The following HAS3 variants were observed in gnomAD, a reference collection of about 807,000 sequenced individuals.
The protein encoded by HAS3 is hyaluronan synthase 3, also known as HA synthase 3.
HAS3 carries 27 observed loss-of-function variants against 50.3 expected under a neutral mutation model. The observed-to-expected ratio is 0.54, with a 90% CI of 0.40 to 0.74. The LOEUF is 0.74. Among genes scored for constraint, HAS3 ranks in the 30% least tolerant of loss-of-function variants. The probability of loss-of-function intolerance (pLI) is 0.00; values close to 1 mark genes in which losing one functional copy is unlikely to be tolerated. For missense variants in HAS3, 517 were observed against 742.8 expected (o/e 0.70, Z 3.53); for synonymous variants, 339 against 310.9 (o/e 1.09, Z -0.95).
chr16:69,084,146 G>A, the HAS3 span: 4 of 152,720 alleles, frequency 2.6e-5, no homozygotes, highest in African/African-American at 9.6e-5. Context: ...AGATGCAGTT[G>A]GAGGTGGGGA....
downstream of HAS3, chr16:69,118,374 C>T: frequency 1.2e-6 from 2 of 1,609,080 alleles, no homozygotes; most frequent in Non-Finnish European, 1.7e-6. Context: ...AAAGGTATGG[C>T]AGTAGAGGAT....
chr16:69,107,385 G>T lies in HAS3; in HGVS notation c.-1+1598G>T, dbSNP rs1226791379. 4.1e-6 allele frequency: 4 copies of T among 985,278 alleles called. No homozygotes were observed. The highest frequency in any genetic ancestry group is 4.8e-6 in the Non-Finnish European group (4 of 829,880). 61.0% of individuals were successfully genotyped at this position (985,278 alleles called of 1,614,324 possible). A position where few individuals can be genotyped will look rare whatever the true frequency, so the allele number is the denominator to read the frequency against. On this transcript the variant is annotated intron_variant, in intron 1 of 3. Coordinates refer to ENST00000569188, the MANE Select transcript of HAS3 (RefSeq NM_001199280.2). This position sits in a 1 kb window ranked among gnomAD's most constrained non-coding sequence, Gnocchi z 5.5. ...TTGTCTACAGGCACACTTTGCCAAGGTAGCTGGGGTACCAGGAAGAGCAGG... is the reference window on the plus strand; with the variant it reads ...TTGTCTACAGGCACACTTTGCCAAGTTAGCTGGGGTACCAGGAAGAGCAGG...
At chr16:69,104,226 G>A (rs1242677244), upstream of HAS3, among the ~76,000 whole-genome samples, 3 of 150,844 alleles carry the variant, frequency 2.0e-5, no homozygotes, top group African/African-American at 7.3e-5. Flanking sequence ...TAGTAGCTGG[G>A]ACTACAGGCA....
upstream of HAS3, among the ~76,000 whole-genome samples, chr16:69,103,310 A>G (rs900545460): frequency 6.6e-6 from 1 of 152,032 alleles, no homozygotes; most frequent in East Asian, 1.9e-4. Context: ...ATCTGCAGCA[A>G]CTCCAGGGGT....
the HAS3 span, among the ~76,000 whole-genome samples, chr16:69,088,732 C>T: frequency 6.6e-6 from 1 of 151,880 alleles, no homozygotes; most frequent in Non-Finnish European, 1.5e-5. Context: ...TTAATGAGCA[C>T]TAAAATAATG....
chr16:69,088,571 A>G, the HAS3 span, among the ~76,000 whole-genome samples: 690 of 151,868 alleles, frequency 4.5e-3, 6 homozygotes, highest in Non-Finnish European at 4.9e-3. Flanking sequence ...AAAAAAAAAA[A>G]AAAGAAAAGA....
At chr16:69,108,036 A>G (rs1336037640) in intron 1 of HAS3, among the ~76,000 whole-genome samples, 1 of 152,200 alleles carries the variant, frequency 6.6e-6, no homozygotes, top group Non-Finnish European at 1.5e-5. Flanking sequence ...CCGTTTCCTG[A>G]GACCTAAGAG....
At chr16:69,117,708 A>AGTT (rs962954694), downstream of HAS3, 138 of 929,268 alleles carry the variant, frequency 1.5e-4, no homozygotes, top group Middle Eastern at 5.5e-4. Context: ...TCTTTATTCC[A>AGTT]GTTTCCAAAG....
At chr16:69,092,811 A>T in the HAS3 span, among the ~76,000 whole-genome samples, 1 of 152,150 alleles carries the variant, frequency 6.6e-6, no homozygotes, top group Non-Finnish European at 1.5e-5. Context: ...CCTGGGCAAC[A>T]TAGCAAAATA....
upstream of HAS3, among the ~76,000 whole-genome samples, chr16:69,101,690 G>A (rs1408944593): frequency 6.6e-6 from 1 of 152,116 alleles, no homozygotes; most frequent in Non-Finnish European, 1.5e-5. Context: ...GCCTGTTCCA[G>A]CTCACAGAGA....
At chr16:69,111,500 C>T (rs1297169142) in intron 2 of HAS3, among the ~76,000 whole-genome samples, 2 of 152,214 alleles carry the variant, frequency 1.3e-5, no homozygotes, top group African/African-American at 4.8e-5. Flanking sequence ...GCTGTCCTGC[C>T]AGCCCACCTG....
At position 69,109,884 on chromosome 16, in the gene HAS3, G is replaced by A. The variant is rs145859833; in HGVS notation, c.489G>A (p.Thr163=). The change falls in exon 2 of 4, where the codon ACG becomes ACA. Residue 163 remains threonine (T), a synonymous_variant. Transcript: ENST00000569188. This position sits in a 1 kb window ranked among gnomAD's most constrained non-coding sequence, Gnocchi z 5.3. Reference sequence around the variant, plus strand: ...TCCATGAGGCAGGCGAGGGTGAGACGGAGGCCAGCCTGCAGGAGGGCATGG... The same window carrying A: ...TCCATGAGGCAGGCGAGGGTGAGACAGAGGCCAGCCTGCAGGAGGGCATGG... ...SNFHEAGEGE[T]EASLQEGMDR... is the part of the protein sequence containing the mutation. 158 of 1,613,868 alleles carry A rather than the reference G, an allele frequency of 9.8e-5. No individual in the cohort carries two copies. In the African/African-American group the frequency reaches 1.7e-3, roughly 17 times the overall value.
intron 2 of HAS3, among the ~76,000 whole-genome samples, chr16:69,110,248 C>G (rs7189149): frequency 0.17 from 25,435 of 152,036 alleles, 2,619 homozygotes; most frequent in African/African-American, 0.29. Context: ...TCAGGAGATC[C>G]AGACCATCCT....
Position 69,114,572 on chromosome 16 carries a change from G to A in HAS3, c.968G>A (p.Arg323Gln). Residue 323 changes from arginine (R) to glutamine (Q), a missense_variant, in exon 4 of 4, where the codon CGA (arginine) becomes CAA (glutamine). Transcript: ENST00000569188. The surrounding 1 kb of genome is among the most constrained non-coding windows in gnomAD (Gnocchi z 6.4). Reference protein sequence around the residue: ...SFGDDRHLTNRVLSLGYRTKY... With the variant: ...SFGDDRHLTNQVLSLGYRTKY... ...GGGGATGACCGGCACCTCACCAACCGAGTCCTGAGCCTTGGCTACCGAACT... is the reference window on the plus strand; with the variant it reads ...GGGGATGACCGGCACCTCACCAACCAAGTCCTGAGCCTTGGCTACCGAACT... 6 of 1,614,058 alleles carry A rather than the reference G, an allele frequency of 3.7e-6. No individual in the cohort carries two copies. Among genetic ancestry groups the A allele is most frequent in the East Asian group, 2.2e-5 (1 of 44,874 alleles).
Position 69,109,067 on chromosome 16 carries a change from C to T in HAS3, c.1-329C>T, listed in dbSNP as rs1049968231. 3.3e-5 allele frequency among the ~76,000 whole-genome samples: 5 copies of T among 152,190 alleles called. No homozygotes were observed. The highest frequency in any genetic ancestry group is 1.2e-4 in the African/African-American group (5 of 41,444). On this transcript the variant is annotated intron_variant, in intron 1 of 3. Transcript: ENST00000569188. This position sits in a 1 kb window ranked among gnomAD's most constrained non-coding sequence, Gnocchi z 5.3. ...GTTCTGCCACCCACCAGCCAGATGT[C>T]ACGTGACCCTCTGGGCCTTGGCTTG...
chr16:69,106,343 G>C lies in HAS3; in HGVS notation c.-1+556G>C, dbSNP rs1960791599. 1 of 147,260 alleles carries C rather than the reference G, an allele frequency of 6.8e-6. No homozygotes were observed. The highest frequency in any genetic ancestry group is 2.5e-5 in the African/African-American group (1 of 40,792). 9.1% of individuals were successfully genotyped at this position (147,260 alleles called of 1,614,324 possible). Reference sequence around the variant, plus strand: ...TGAGCGCGGGCCGGCCGGCACCCAGGAGGGGAGGGCCGCGCGGGGCTGCGC... The same window carrying C: ...TGAGCGCGGGCCGGCCGGCACCCAGCAGGGGAGGGCCGCGCGGGGCTGCGC... On this transcript the variant is annotated intron_variant, in intron 1 of 3. Transcript: ENST00000569188. This position sits in a 1 kb window ranked among gnomAD's most constrained non-coding sequence, Gnocchi z 5.5.
In HAS3 at chr16:69,116,887, C is replaced by G. The variant is rs1292443726; in HGVS notation, c.*1621C>G. On this transcript the variant is annotated 3_prime_UTR_variant, in exon 4 of 4. Transcript: ENST00000569188. ...CGTGCAGAACCAGCACTAAGGTGGA[C>G]AGCAGACAAGAGGGCAAGCCTCTAG... 1.0e-6 allele frequency: 1 copy of G among 985,310 alleles called. No homozygotes were observed. Among genetic ancestry groups the G allele is most frequent in the Non-Finnish European group, 1.2e-6 (1 of 829,934 alleles). The allele number at this position is 985,310 out of a possible 1,614,324, so 61.0% of individuals were successfully genotyped here.
At chr16:69,090,717 G>T in the HAS3 span, among the ~76,000 whole-genome samples, 1 of 122,878 alleles carries the variant, frequency 8.1e-6, no homozygotes, top group African/African-American at 3.2e-5. Context: ...ACAGGGGCGT[G>T]CTACCACGCC....
At chr16:69,111,701 G>C (rs1446218339) in intron 2 of HAS3, among the ~76,000 whole-genome samples, 2 of 152,206 alleles carry the variant, frequency 1.3e-5, no homozygotes, top group South Asian at 4.1e-4. Context: ...GAGGGAGTTA[G>C]GAGAGCTTAG....
Sources: allele counts gnomAD v4.1 joint callset (sites outside exome capture counted in the v4.1 genomes callset), GRCh38; gene constraint gnomAD v4.1.1; non-coding constraint Gnocchi (gnomAD v3.1); transcripts MANE v1.5; gene names NCBI Gene and HGNC (gene_info 2026-07-23, HGNC 2026-07-21).